The following DIAPH3 variants were observed in gnomAD, a reference collection of about 807,000 sequenced individuals.
DIAPH3 encodes the protein protein diaphanous homolog 3.
A neutral mutation model predicts 144.3 loss-of-function variants in DIAPH3; 117 were observed. That is an observed-to-expected ratio of 0.81 (90% CI 0.70 to 0.95). The LOEUF (loss-of-function observed/expected upper bound fraction) is 0.95. Among genes scored for constraint, DIAPH3 ranks in the 40% least tolerant of loss-of-function variants. DIAPH3 has a pLI of 0.00. For synonymous variants in DIAPH3, 519 were observed against 488.9 expected, an observed-to-expected ratio of 1.06 and a Z score of -0.81; for missense variants, 1,421 against 1,412.7, an observed-to-expected ratio of 1.01 and a Z score of -0.09.
At chr13:59,701,023 G>T (rs1320648775) in intron 27 of DIAPH3, among the ~76,000 whole-genome samples, 1 of 152,044 alleles carries the variant, frequency 6.6e-6, no homozygotes, top group Non-Finnish European at 1.5e-5. Context: ...TGGTATATCA[G>T]TCTTTACTAA....
At chr13:59,805,844 T>C (rs1260350593) in intron 25 of DIAPH3, among the ~76,000 whole-genome samples, 1 of 152,080 alleles carries the variant, frequency 6.6e-6, no homozygotes, top group Non-Finnish European at 1.5e-5. Context: ...TTTATTTTCA[T>C]TCTATTAACA....
intron 21 of DIAPH3, among the ~76,000 whole-genome samples, chr13:59,868,300 T>C (rs1273122143): frequency 6.6e-6 from 1 of 152,090 alleles, no homozygotes; most frequent in Non-Finnish European, 1.5e-5. Context: ...TTAACAAAAA[T>C]TGGAGTAAGT....
At chr13:60,116,148 T>A (rs890556899) in intron 2 of DIAPH3, among the ~76,000 whole-genome samples, 1 of 152,132 alleles carries the variant, frequency 6.6e-6, no homozygotes, top group Non-Finnish European at 1.5e-5. Context: ...TCAACAGTTG[T>A]CTATTAGATG....
chr13:59,825,073 C>A (rs927979251), intron 24 of DIAPH3, among the ~76,000 whole-genome samples: 3 of 151,844 alleles, frequency 2.0e-5, no homozygotes, highest in African/African-American at 7.3e-5. Context: ...TTTTAGGGTA[C>A]ATGTGCACAA....
At chr13:60,139,530 G>C (rs770283222) in intron 1 of DIAPH3, among the ~76,000 whole-genome samples, 2 of 152,130 alleles carry the variant, frequency 1.3e-5, no homozygotes, top group Non-Finnish European at 2.9e-5. Context: ...GAGAGCCAAC[G>C]AGAGATCAGC....
chr13:59,732,535 G>A (rs567142490), intron 27 of DIAPH3, among the ~76,000 whole-genome samples: 1 of 151,240 alleles, frequency 6.6e-6, no homozygotes, highest in South Asian at 2.1e-4. Context: ...TCAAATTCCT[G>A]GGCTAAGGTG....
At chr13:59,782,624 T>C (rs1334382877) in intron 25 of DIAPH3, among the ~76,000 whole-genome samples, 1 of 152,188 alleles carries the variant, frequency 6.6e-6, no homozygotes, top group East Asian at 1.9e-4. Flanking sequence ...AGGTTGATTC[T>C]TGACCTAAAG....
At chr13:60,157,592 T>A (rs1952091885) in intron 1 of DIAPH3, among the ~76,000 whole-genome samples, 1 of 152,238 alleles carries the variant, frequency 6.6e-6, no homozygotes, top group African/African-American at 2.4e-5. Context: ...TTGAGACTGG[T>A]CTCCATTGAT....
chr13:60,090,409 T>C (rs1467210706), intron 4 of DIAPH3, among the ~76,000 whole-genome samples: 1 of 152,088 alleles, frequency 6.6e-6, no homozygotes, highest in Non-Finnish European at 1.5e-5. Context: ...TTATCTACGT[T>C]AGGCCTACTT....
intron 4 of DIAPH3, among the ~76,000 whole-genome samples, chr13:60,084,119 C>A (rs1349144877): frequency 1.3e-5 from 2 of 151,782 alleles, no homozygotes; most frequent in Non-Finnish European, 2.9e-5. Flanking sequence ...GAAAGAAACT[C>A]GAGGAAATGA....
intron 1 of DIAPH3, among the ~76,000 whole-genome samples, chr13:60,146,874 T>C (rs1316698094): frequency 6.6e-6 from 1 of 152,214 alleles, no homozygotes; most frequent in Non-Finnish European, 1.5e-5. Flanking sequence ...CCATTGATCC[T>C]AATAATCTAG....
intron 24 of DIAPH3, among the ~76,000 whole-genome samples, chr13:59,827,900 C>T (rs950920934): frequency 5.3e-5 from 8 of 151,992 alleles, no homozygotes; most frequent in African/African-American, 1.4e-4. Flanking sequence ...GATGAGGTTG[C>T]TCACAAGATC....
chr13:60,018,245 C>T (rs1484456093), intron 5 of DIAPH3, among the ~76,000 whole-genome samples: 1 of 152,172 alleles, frequency 6.6e-6, no homozygotes, highest in Non-Finnish European at 1.5e-5. Context: ...ACTGCTATCA[C>T]CTTTAATCAT....
intron 24 of DIAPH3, among the ~76,000 whole-genome samples, chr13:59,820,525 A>G (rs1314066633): frequency 6.6e-6 from 1 of 151,928 alleles, no homozygotes. Context: ...TTGAAATTAG[A>G]TATTCCTAAA....
At chr13:60,093,975 G>C (rs2058033083) in intron 3 of DIAPH3, among the ~76,000 whole-genome samples, 1 of 152,122 alleles carries the variant, frequency 6.6e-6, no homozygotes, top group Non-Finnish European at 1.5e-5. Flanking sequence ...ATTCACAGCA[G>C]GCAAATAAAA....
chr13:59,892,736 G>A (rs1363413723), intron 20 of DIAPH3, among the ~76,000 whole-genome samples: 3 of 151,896 alleles, frequency 2.0e-5, no homozygotes, highest in African/African-American at 4.8e-5. Flanking sequence ...AAGAATAGAT[G>A]AGATAAATAG....
At position 59,907,835 on chromosome 13, in the gene DIAPH3, AAG is replaced by A. The variant is rs1311550944; in HGVS notation, c.2367+3898_2367+3899del. Among the ~76,000 whole-genome samples, 10 of 152,334 alleles carry A rather than the reference AAG, an allele frequency of 6.6e-5. No individual in the cohort carries two copies. In the South Asian group the frequency reaches 2.1e-3, roughly 32 times the overall value. ...CATATACATTTATGACTTAATTAGA[AAG>A]AGAGGTAATATCAGCATTAAATAAT... is the stretch of plus-strand genomic sequence containing the variant. On this transcript the variant is annotated intron_variant, in intron 20 of 27. Transcript: ENST00000400324.
intron 4 of DIAPH3, among the ~76,000 whole-genome samples, chr13:60,073,129 C>T (rs565755466): frequency 2.0e-5 from 3 of 151,990 alleles, no homozygotes; most frequent in South Asian, 2.1e-4. Flanking sequence ...GTAGACATGG[C>T]AAAACCCCAT....
At chr13:59,848,493 A>C in intron 22 of DIAPH3, among the ~76,000 whole-genome samples, 1 of 143,026 alleles carries the variant, frequency 7.0e-6, no homozygotes, top group East Asian at 2.1e-4. Flanking sequence ...CAGTCCCCAG[A>C]GTGTGATATT....
Sources: allele counts gnomAD v4.1 joint callset (sites outside exome capture counted in the v4.1 genomes callset), GRCh38; gene constraint gnomAD v4.1.1; transcripts MANE v1.5; gene names NCBI Gene and HGNC (gene_info 2026-07-23, HGNC 2026-07-21).